LAD1: variants seen among roughly 807,000 people sequenced by gnomAD.
LAD1 encodes ladinin-1.
In LAD1, 53 loss-of-function variants were observed where a neutral mutation model predicts 54.2. That is an observed-to-expected ratio of 0.98 (90% CI 0.78 to 1.23). The LOEUF (loss-of-function observed/expected upper bound fraction) is 1.23. Among genes scored for constraint, LAD1 ranks in the 50% most tolerant of loss-of-function variants. The pLI is 0.00. For synonymous variants in LAD1, 231 were observed against 257.7 expected (o/e 0.90, Z 0.99); for missense variants, 637 against 653.3 (o/e 0.98, Z 0.27).
intron 1 of LAD1, among the ~76,000 whole-genome samples, chr1:201,395,875 G>A (rs1227365248): frequency 2.0e-5 from 3 of 152,174 alleles, no homozygotes; most frequent in Non-Finnish European, 2.9e-5. Flanking sequence ...AAGCACCTAC[G>A]CTTAACCATC....
chr1:201,382,106 G>A, intron 9 of LAD1, 146 bp downstream of exon 9: 1 of 859,858 alleles, frequency 1.2e-6, no homozygotes. Context: ...GGTTGGCTCA[G>A]ACCAATCTGC....
chr1:201,386,868 C>G lies in LAD1; in HGVS notation c.493G>C (p.Glu165Gln). 2 of 1,610,532 alleles carry G rather than the reference C, an allele frequency of 1.2e-6. No homozygotes were observed. Among genetic ancestry groups the G allele is most frequent in the South Asian group, 2.2e-5 (2 of 90,830 alleles). Residue 165 changes from glutamate (E) to glutamine (Q), a missense_variant, in exon 3 of 10, where the codon GAG becomes CAG. By Grantham distance (29) the Glu-to-Gln change is conservative. Transcript: ENST00000391967. Reference protein sequence around the residue: ...ALEEESLVGREPEERKKGVPE... With the variant: ...ALEEESLVGRQPEERKKGVPE... ...ACCCCTTTCTTCCTCTCTTCTGGCT[C>G]CCTGCCCACCAAGCTCTCCTCCTCC...
At position 201,386,660 on chromosome 1, in the gene LAD1, T is replaced by TC. The variant is rs1283866221; in HGVS notation, c.700dup (p.Glu234GlyfsTer7). ...CGACTTCTCAGAGACACTGGTTTTTTCTAGAACAGACTTCTTCTCTGAGCT... is the reference window on the plus strand; with the variant it reads ...CGACTTCTCAGAGACACTGGTTTTTTCCTAGAACAGACTTCTTCTCTGAGCT... On this transcript the variant is annotated frameshift_variant, in exon 3 of 10. Coordinates refer to ENST00000391967, the MANE Select transcript of LAD1 (RefSeq NM_005558.4). LOFTEE classifies it high-confidence loss of function. 3.7e-6 allele frequency: 6 copies of TC among 1,614,094 alleles called. No homozygotes were observed. Among genetic ancestry groups the TC allele is most frequent in the Non-Finnish European group, 5.1e-6 (6 of 1,180,038 alleles).
intron 1 of LAD1, among the ~76,000 whole-genome samples, chr1:201,391,522 T>C (rs943474346): frequency 2.6e-5 from 4 of 152,172 alleles, no homozygotes; most frequent in African/African-American, 9.7e-5. Flanking sequence ...TCAGGAACTG[T>C]GTGGGCATCA....
chr1:201,389,330 A>G (rs1662156294), intron 1 of LAD1, 27 bp from the exon 2 acceptor site: 1 of 1,602,420 alleles, frequency 6.2e-7, no homozygotes, highest in African/African-American at 1.3e-5. Flanking sequence ...GAGGGTCAGC[A>G]CAGCTGGGGA....
At chr1:201,382,522 G>A in intron 8 of LAD1, 131 bp downstream of exon 8, 1 of 753,272 alleles carries the variant, frequency 1.3e-6, no homozygotes, top group Non-Finnish European at 2.1e-6. Flanking sequence ...CTCCTGAAAT[G>A]ACTCCTCCTC....
rs552270602 is a variant in LAD1 at position 201,386,654 on chromosome 1, G to A, written c.707C>T (p.Thr236Ile). ...GGCCAGCGACTTCTCAGAGACACTGGTTTTTTCTAGAACAGACTTCTTCTC... is the reference window on the plus strand; with the variant it reads ...GGCCAGCGACTTCTCAGAGACACTGATTTTTTCTAGAACAGACTTCTTCTC... ...SSEKKSVLEK[T>I]SVSEKSLAPG... is the part of the protein sequence containing the mutation. The change falls in exon 3 of 10, where the codon ACC becomes ATC. Residue 236 changes from threonine (T) to isoleucine (I), a missense_variant. Transcript: ENST00000391967. 6.2e-7 allele frequency: 1 copy of A among 1,614,192 alleles called. No homozygotes were observed. The highest frequency in any genetic ancestry group is 1.1e-5 in the South Asian group (1 of 91,086).
At chr1:201,399,195 C>T (rs943018169) in intron 1 of LAD1, 74 bp downstream of exon 1, 12 of 1,228,200 alleles carry the variant, frequency 9.8e-6, no homozygotes, top group African/African-American at 8.9e-5. Flanking sequence ...GGGAGGAGGC[C>T]GGTGCCCCGA....
In LAD1 at chr1:201,383,141, C is replaced by T. The variant is rs1661996543; in HGVS notation, c.1319G>A (p.Ser440Asn). The T allele has an allele frequency of 2.5e-6, 4 of 1,613,974 alleles. No individual in the cohort carries two copies. The highest frequency in any genetic ancestry group is 3.4e-6 in the Non-Finnish European group (4 of 1,179,988). ...TTCCTTCTCAAAGAGGTGGCGCTTGCTGGCTACACCCACAGGAGCCACGAA... is the reference window on the plus strand; with the variant it reads ...TTCCTTCTCAAAGAGGTGGCGCTTGTTGGCTACACCCACAGGAGCCACGAA... Reference protein sequence around the residue: ...ELFVAPVGVASKRHLFEKELA... With the variant: ...ELFVAPVGVANKRHLFEKELA... The change falls in exon 7 of 10, where the codon AGC becomes AAC. Residue 440 changes from serine (S) to asparagine (N), a missense_variant. Transcript: ENST00000391967.
intron 1 of LAD1, among the ~76,000 whole-genome samples, chr1:201,397,767 G>T (rs1662323639): frequency 6.6e-6 from 1 of 151,416 alleles, no homozygotes; most frequent in Admixed American, 6.6e-5. Context: ...ACACAGATGT[G>T]TCATCTCTTC....
In LAD1 at chr1:201,382,641, G is replaced by C. The variant is rs1329717848; in HGVS notation, c.1473+12C>G. ...GCTCCACAGTAAGAGACATCAGGGA[G>C]GGTGAGGATACCTGGGGGTCCTGAT... On this transcript the variant is annotated intron_variant, in intron 8 of 9. Transcript: ENST00000391967. 3 of 1,583,718 alleles carry C rather than the reference G, an allele frequency of 1.9e-6. No homozygotes were observed. The highest frequency in any genetic ancestry group is 2.6e-6 in the Non-Finnish European group (3 of 1,162,318).
Position 201,389,193 on chromosome 1 carries a change from T to C in LAD1, c.149A>G (p.Gln50Arg), listed in dbSNP as rs1424947727. 1.2e-6 allele frequency: 2 copies of C among 1,614,122 alleles called. No homozygotes were observed. Among genetic ancestry groups the C allele is most frequent in the Non-Finnish European group, 1.7e-6 (2 of 1,180,040 alleles). The change falls in exon 2 of 10, where the codon CAG becomes CGG. Residue 50 changes from glutamine (Q) to arginine (R), a missense_variant. Coordinates refer to ENST00000391967, the MANE Select transcript of LAD1 (RefSeq NM_005558.4). The stretch of plus-strand genomic sequence containing the variant: ...AGCAGAGGCCTGCCGGTCTCCATTC[T>C]GGCTGAGCCTGGGAGCCTCATCGTC... ...TTDDEAPRLS[Q>R]NGDRQASASE...
Position 201,382,247 on chromosome 1 carries a change from T to G in LAD1, c.1548+5A>C. On this transcript the variant is annotated splice_donor_5th_base_variant and intron_variant, in intron 9 of 9. Coordinates refer to ENST00000391967, the MANE Select transcript of LAD1 (RefSeq NM_005558.4). Reference sequence around the variant, plus strand: ...CGTAGGGCCAGGCTCCTCCCCACCATTCACCTCAGCGTCCAGCGAGGAGTC... The same window carrying G: ...CGTAGGGCCAGGCTCCTCCCCACCAGTCACCTCAGCGTCCAGCGAGGAGTC... 3 of 1,611,632 alleles carry G rather than the reference T, an allele frequency of 1.9e-6. No individual in the cohort carries two copies. The highest frequency in any genetic ancestry group is 2.5e-6 in the Non-Finnish European group (3 of 1,178,248).
intron 9 of LAD1, 25 bp downstream of exon 9, chr1:201,382,227 G>A (rs756851332): frequency 1.3e-4 from 206 of 1,600,024 alleles, no homozygotes; most frequent in Non-Finnish European, 1.7e-4. Flanking sequence ...TCCGCCGTAG[G>A]GCCAGGCTCC....
chr1:201,385,123 GC>G (rs1662047654), intron 4 of LAD1, among the ~76,000 whole-genome samples: 1 of 152,170 alleles, frequency 6.6e-6, no homozygotes, highest in Non-Finnish European at 1.5e-5. Context: ...GCCTCCCACT[GC>G]CCATGAGCTC....
Position 201,386,557 on chromosome 1 carries a change from G to A in LAD1, c.804C>T (p.Ala268=). The A allele has an allele frequency of 6.2e-7, 1 of 1,613,918 alleles. No homozygotes were observed. Among genetic ancestry groups the A allele is most frequent in the Non-Finnish European group, 8.5e-7 (1 of 1,179,948 alleles). Residue 268 remains alanine (A), a synonymous_variant, in exon 3 of 10, where the codon GCC becomes GCT. Coordinates refer to ENST00000391967, the MANE Select transcript of LAD1 (RefSeq NM_005558.4). ...CATCTGCAGTTGGGCTCTTCTCTGA[G>A]GCCAGTGCCTTCTCAAAGATGGAAG... ...EKASIFEKAL[A]SEKSPTADAK...
chr1:201,394,029 A>T (rs1488112446), intron 1 of LAD1, among the ~76,000 whole-genome samples: 1 of 152,094 alleles, frequency 6.6e-6, no homozygotes, highest in African/African-American at 2.4e-5. Flanking sequence ...TGGGCAACAA[A>T]GTGAGACCCC....
In LAD1 at chr1:201,383,207, G is replaced by A; in HGVS notation, c.1253C>T (p.Ser418Leu). ...LERYHTAIRR[S>L]ESVKSRGLPC... ...CAGACCCCGAGACTTGACAGATTCT[G>A]ATCTCTGGGAACCAAGAACACCAAC... Residue 418 changes from serine to leucine, a missense_variant, in exon 7 of 10, where the codon TCA (serine) becomes TTA (leucine). Transcript: ENST00000391967. 4.3e-6 allele frequency: 7 copies of A among 1,613,842 alleles called. No homozygotes were observed. Among genetic ancestry groups the A allele is most frequent in the Non-Finnish European group, 5.9e-6 (7 of 1,179,802 alleles).
intron 5 of LAD1, 122 bp downstream of exon 5, chr1:201,384,670 G>A: frequency 1.1e-6 from 1 of 950,734 alleles, no homozygotes. Flanking sequence ...CCTGGGCAAG[G>A]ACTGCACCTT....
Sources: allele counts gnomAD v4.1 joint callset (sites outside exome capture counted in the v4.1 genomes callset), GRCh38; gene constraint gnomAD v4.1.1; transcripts MANE v1.5; gene names NCBI Gene and HGNC (gene_info 2026-07-23, HGNC 2026-07-21).